Variants in GSTA1 observed in about 807,000 individuals in gnomAD.
The protein encoded by GSTA1 is glutathione S-transferase alpha 1, also known as glutathione S-transferase A1.
A neutral mutation model predicts 21.5 loss-of-function variants in GSTA1; 23 were observed. The observed-to-expected ratio is 1.07, with a 90% CI of 0.77 to 1.52. The LOEUF is 1.52. Ranked by LOEUF, GSTA1 falls within the 40% of genes most tolerant of loss-of-function variation. GSTA1 has a pLI of 0.00. For missense variants in GSTA1, 301 were observed against 264.2 expected (o/e 1.14, Z -0.96); for synonymous variants, 125 against 90.0 (o/e 1.39, Z -2.20).
intron 1 of GSTA1, among the ~76,000 whole-genome samples, chr6:52,800,135 G>T (rs1345139344): frequency 6.6e-6 from 1 of 152,208 alleles, no homozygotes; most frequent in Non-Finnish European, 1.5e-5. Context: ...GAAGGAGCTA[G>T]CATTTGTTCA....
chr6:52,798,260 CTGGTTTCTGATG>C (rs1429946387), intron 2 of GSTA1, among the ~76,000 whole-genome samples: 6 of 150,458 alleles, frequency 4.0e-5, no homozygotes, highest in Non-Finnish European at 1.5e-5. Context: ...AGGAAAACCT[CTGGTTTCTGATG>C]TGGTTTTGTG....
chr6:52,792,101 A>G, intron 6 of GSTA1, 121 bp from the exon 7 acceptor site: 1 of 1,396,624 alleles, frequency 7.2e-7, no homozygotes. Flanking sequence ...CAGCACAAGC[A>G]TGGAGGCAGA....
intron 1 of GSTA1, among the ~76,000 whole-genome samples, chr6:52,801,553 A>T (rs1763717839): frequency 6.6e-6 from 1 of 152,224 alleles, no homozygotes; most frequent in African/African-American, 2.4e-5. Flanking sequence ...ATCATGTTTC[A>T]AAAGGAAGTG....
chr6:52,791,897 C>G lies in GSTA1; in HGVS notation c.630G>C (p.Glu210Asp). ...PGSPRKPPMDEKSLEEARKIF... is the reference protein window; with the variant it reads ...PGSPRKPPMDDKSLEEARKIF... ...TCTTCCTTGCTTCTTCTAAAGATTT[C>G]TCATCCATGGGAGGCTTCCTTGGGC... is the stretch of plus-strand genomic sequence containing the variant. The change falls in exon 7 of 7, where the codon GAG becomes GAC. Residue 210 changes from glutamate (E) to aspartate (D), a missense_variant. Physicochemically the swap from Glu to Asp is conservative, Grantham distance 45 (BLOSUM62 2). Transcript: ENST00000334575. 6.2e-7 allele frequency: 1 copy of G among 1,613,972 alleles called. No homozygotes were observed. Among genetic ancestry groups the G allele is most frequent in the Non-Finnish European group, 8.5e-7 (1 of 1,179,876 alleles).
intron 2 of GSTA1, 57 bp downstream of exon 2, chr6:52,799,124 A>C: frequency 6.6e-7 from 1 of 1,504,692 alleles, no homozygotes; most frequent in Non-Finnish European, 9.2e-7. Flanking sequence ...TCTGTGGGAA[A>C]AGTATGTGAT....
In GSTA1 at chr6:52,798,034, G is replaced by T. The variant is rs558847893; in HGVS notation, c.88-397C>A. On this transcript the variant is annotated intron_variant, in intron 2 of 6. Coordinates refer to ENST00000334575, the MANE Select transcript of GSTA1 (RefSeq NM_145740.5). ...TGTCCCCAGCATGAGGCATGCCATG[G>T]GCTAATGGCTATCAAACATTTTGCC... 3.3e-5 allele frequency among the ~76,000 whole-genome samples: 5 copies of T among 152,206 alleles called. No individual in the cohort carries two copies. In the South Asian group the frequency reaches 1.0e-3, roughly 32 times the overall value.
intron 3 of GSTA1, among the ~76,000 whole-genome samples, chr6:52,796,967 T>G (rs1763606853): frequency 6.6e-6 from 1 of 152,152 alleles, no homozygotes; most frequent in Non-Finnish European, 1.5e-5. Context: ...CTCTTGTATT[T>G]TTTGTGTTGA....
Position 52,796,261 on chromosome 6 carries a change from G to T in GSTA1, c.193C>A (p.Leu65Met). 3.7e-6 allele frequency: 6 copies of T among 1,613,640 alleles called. No homozygotes were observed. Among genetic ancestry groups the T allele is most frequent in the Non-Finnish European group, 4.2e-6 (5 of 1,179,942 alleles). Residue 65 changes from leucine to methionine, a missense_variant, in exon 4 of 7, where the codon CTG (leucine) becomes ATG (methionine). Physicochemically the swap from Leu to Met is conservative, Grantham distance 15. Coordinates refer to ENST00000334575, the MANE Select transcript of GSTA1 (RefSeq NM_145740.5). ...VPMVEIDGMKLVQTRAILNYI... is the reference protein window; with the variant it reads ...VPMVEIDGMKMVQTRAILNYI... ...TTGAGAATGGCTCTGGTCTGCACCA[G>T]CTTCATCCCATCAATCTCAACCATT...
At chr6:52,798,919 C>T (rs538205108) in intron 2 of GSTA1, among the ~76,000 whole-genome samples, 39 of 152,224 alleles carry the variant, frequency 2.6e-4, no homozygotes, top group African/African-American at 6.5e-4. Flanking sequence ...ATAAATTATT[C>T]TTTACAGTTT....
chr6:52,799,732 C>T (rs1763668978), intron 1 of GSTA1, among the ~76,000 whole-genome samples: 1 of 152,106 alleles, frequency 6.6e-6, no homozygotes, highest in Non-Finnish European at 1.5e-5. Flanking sequence ...TGAAATGGAA[C>T]ATCAGAGAAA....
At chr6:52,802,523 G>C (rs1170199217) in intron 1 of GSTA1, among the ~76,000 whole-genome samples, 1 of 152,182 alleles carries the variant, frequency 6.6e-6, no homozygotes, top group East Asian at 1.9e-4. Context: ...TCTTGTCCCA[G>C]TGCTTGGAAG....
intron 3 of GSTA1, among the ~76,000 whole-genome samples, chr6:52,796,855 A>T (rs1223816446): frequency 6.6e-6 from 1 of 151,964 alleles, no homozygotes; most frequent in Admixed American, 6.6e-5. Flanking sequence ...AACATTTTTA[A>T]AAAGCTTCCT....
At chr6:52,794,855 TC>T (rs1205007040) in intron 4 of GSTA1, among the ~76,000 whole-genome samples, 1 of 152,176 alleles carries the variant, frequency 6.6e-6, no homozygotes, top group African/African-American at 2.4e-5. Context: ...CACCTAAGAA[TC>T]CCCTTCCCTG....
At chr6:52,793,031 G>T in intron 5 of GSTA1, 44 bp from the exon 6 acceptor site, 5 of 1,613,188 alleles carry the variant, frequency 3.1e-6, no homozygotes, top group Non-Finnish European at 3.4e-6. Context: ...TGCACACCCA[G>T]GCTAGGACCC....
In GSTA1 at chr6:52,796,285, T is replaced by A; in HGVS notation, c.169A>T (p.Met57Leu). Residue 57 changes from methionine to leucine, a missense_variant, in exon 4 of 7, where the codon ATG becomes TTG. Physicochemically the swap from Met to Leu is conservative, Grantham distance 15. Transcript: ENST00000334575. Reference sequence around the variant, plus strand: ...AGCTTCATCCCATCAATCTCAACCATTGGCACTTGCTGGAACATCAAATAT... The same window carrying A: ...AGCTTCATCCCATCAATCTCAACCAATGGCACTTGCTGGAACATCAAATAT... ...DGYLMFQQVP[M>L]VEIDGMKLVQ... The A allele has an allele frequency of 6.2e-7, 1 of 1,613,708 alleles. No homozygotes were observed. The highest frequency in any genetic ancestry group is 8.5e-7 in the Non-Finnish European group (1 of 1,179,940).
intron 1 of GSTA1, among the ~76,000 whole-genome samples, chr6:52,800,644 C>T (rs888869078): frequency 6.6e-6 from 1 of 152,124 alleles, no homozygotes; most frequent in Non-Finnish European, 1.5e-5. Flanking sequence ...AGCAGAGTAT[C>T]AGAGAATGAA....
At chr6:52,793,954 C>A (rs1763516168) in intron 5 of GSTA1, among the ~76,000 whole-genome samples, 171 bp downstream of exon 5, 1 of 152,118 alleles carries the variant, frequency 6.6e-6, no homozygotes, top group African/African-American at 2.4e-5. Context: ...ATAAATGATA[C>A]AATTGTTTCT....
rs1384314004 is a variant in GSTA1 at position 52,797,003 on chromosome 6, G to C, written c.139+583C>G. Among the ~76,000 whole-genome samples the C allele has an allele frequency of 3.3e-5, 5 of 152,118 alleles. No individual in the cohort carries two copies. In the East Asian group the frequency reaches 7.7e-4, roughly 23 times the overall value. On this transcript the variant is annotated intron_variant, in intron 3 of 6. Coordinates refer to ENST00000334575, the MANE Select transcript of GSTA1 (RefSeq NM_145740.5). ...TTTATCTTCATGGATATTTTAGGAAGAGGTTGGGACAAGTTACAATAGGAC... is the reference window on the plus strand; with the variant it reads ...TTTATCTTCATGGATATTTTAGGAACAGGTTGGGACAAGTTACAATAGGAC...
Position 52,794,253 on chromosome 6 carries a change from T to C in GSTA1, c.286A>G (p.Ile96Val), listed in dbSNP as rs756454540. ...TCACCCAAATCTGCTATACCTTCTA[T>C]ATACATATCAATCCTGAAAGACAGA... The part of the protein sequence containing the change: ...IKERALIDMY[I>V]EGIADLGEMI... The change falls in exon 5 of 7, where the codon ATA becomes GTA. Residue 96 changes from isoleucine to valine, a missense_variant. Coordinates refer to ENST00000334575, the MANE Select transcript of GSTA1 (RefSeq NM_145740.5). 1.2e-6 allele frequency: 2 copies of C among 1,612,490 alleles called. No individual in the cohort carries two copies. The highest frequency in any genetic ancestry group is 1.7e-5 in the Admixed American group (1 of 59,784).
Sources: gnomAD v4.1 joint callset for allele counts (sites outside exome capture counted in the v4.1 genomes callset) on GRCh38, gnomAD v4.1.1 for gene constraint, MANE v1.5 for transcripts, NCBI Gene and HGNC (gene_info 2026-07-23, HGNC 2026-07-21) for gene names.